PRKCA: variants seen among roughly 807,000 people sequenced by gnomAD.
PRKCA encodes protein kinase C alpha type.
PRKCA carries 27 observed loss-of-function variants against 87.0 expected under a neutral mutation model. The ratio of observed to expected loss-of-function variants is 0.31; its 90% confidence interval spans 0.23 to 0.43. The LOEUF is 0.43. PRKCA is among the 20% of genes least tolerant of loss of function. The pLI, the probability that PRKCA is intolerant of heterozygous loss-of-function variation, is 1.00. For missense variants in PRKCA, 518 were observed against 852.3 expected, an observed-to-expected ratio of 0.61 and a Z score of 4.88; for synonymous variants, 329 against 311.1, an observed-to-expected ratio of 1.06 and a Z score of -0.61.
chr17:66,712,366 CTGTT>C (rs1212488167), intron 8 of PRKCA, among the ~76,000 whole-genome samples: 1 of 152,160 alleles, frequency 6.6e-6, no homozygotes, highest in Non-Finnish European at 1.5e-5. Flanking sequence ...TGCCTGAGTG[CTGTT>C]TGTGTCCTTT....
At chr17:66,752,634 G>A (rs1476918706) in intron 13 of PRKCA, among the ~76,000 whole-genome samples, 2 of 152,138 alleles carry the variant, frequency 1.3e-5, no homozygotes, top group Admixed American at 1.3e-4. Flanking sequence ...TTGGAGCCAG[G>A]GCCTCCATCA....
At chr17:66,653,023 G>C (rs1174543006) in intron 5 of PRKCA, among the ~76,000 whole-genome samples, 1 of 152,208 alleles carries the variant, frequency 6.6e-6, no homozygotes, top group Non-Finnish European at 1.5e-5. Context: ...CCTGGCCCCT[G>C]GCCCCCGTTA....
chr17:66,619,084 T>C (rs1970597159), intron 3 of PRKCA, among the ~76,000 whole-genome samples: 1 of 148,608 alleles, frequency 6.7e-6, no homozygotes, highest in African/African-American at 2.6e-5. Flanking sequence ...CTCATAGTCT[T>C]GGCATTTTTT....
intron 8 of PRKCA, among the ~76,000 whole-genome samples, chr17:66,719,858 G>C (rs2144155474): frequency 6.6e-6 from 1 of 152,320 alleles, no homozygotes; most frequent in Admixed American, 6.5e-5. Flanking sequence ...AAAATGAGCA[G>C]GTATACTTTT....
At chr17:66,566,987 C>A (rs937353666) in intron 3 of PRKCA, among the ~76,000 whole-genome samples, 3 of 151,972 alleles carry the variant, frequency 2.0e-5, no homozygotes, top group Admixed American at 1.3e-4. Context: ...ATAACTAAAC[C>A]CTCAATGGGA....
intron 2 of PRKCA, among the ~76,000 whole-genome samples, chr17:66,351,725 C>CAG (rs1446466936): frequency 2.0e-5 from 3 of 152,086 alleles, no homozygotes; most frequent in Non-Finnish European, 4.4e-5. Context: ...CTACTCAAAC[C>CAG]AGCGTAAACC....
intron 3 of PRKCA, chr17:66,554,443 T>G: frequency 3.3e-6 from 2 of 605,198 alleles, no homozygotes; most frequent in Non-Finnish European, 4.2e-6. Flanking sequence ...CTTGTTCCCA[T>G]TGGGGCCTGT....
At chr17:66,385,587 T>A (rs1910014948) in intron 2 of PRKCA, among the ~76,000 whole-genome samples, 1 of 152,170 alleles carries the variant, frequency 6.6e-6, no homozygotes, top group Non-Finnish European at 1.5e-5. Context: ...TAGATCCTGG[T>A]ATGGTGGCTC....
chr17:66,616,287 C>T (rs564420443), intron 3 of PRKCA, among the ~76,000 whole-genome samples: 187 of 152,272 alleles, frequency 1.2e-3, no homozygotes, highest in African/African-American at 4.3e-3. Context: ...CCCACTCTCG[C>T]CTTATAATAA....
intron 8 of PRKCA, among the ~76,000 whole-genome samples, chr17:66,722,156 C>G (rs1177866025): frequency 1.3e-5 from 2 of 152,168 alleles, no homozygotes; most frequent in African/African-American, 4.8e-5. Flanking sequence ...TTTTTATGGT[C>G]TGTCTGATTT....
At chr17:66,548,418 A>G (rs1019008136) in intron 3 of PRKCA, among the ~76,000 whole-genome samples, 2 of 152,160 alleles carry the variant, frequency 1.3e-5, no homozygotes, top group South Asian at 4.1e-4. Flanking sequence ...ACTGTGAGCA[A>G]AGTTCAACAC....
intron 5 of PRKCA, among the ~76,000 whole-genome samples, chr17:66,683,620 GA>G (rs925945492): frequency 1.3e-5 from 2 of 152,052 alleles, no homozygotes; most frequent in Non-Finnish European, 2.9e-5. Flanking sequence ...GGGTCGGGGG[GA>G]TAGAGTCTCA....
At chr17:66,355,941 C>T (rs185014919) in intron 2 of PRKCA, among the ~76,000 whole-genome samples, 1 of 152,232 alleles carries the variant, frequency 6.6e-6, no homozygotes, top group East Asian at 1.9e-4. Flanking sequence ...TCTTGTCGCC[C>T]GGGCTGGAGT....
At chr17:66,475,743 T>C (rs1274084872) in intron 2 of PRKCA, among the ~76,000 whole-genome samples, 1 of 152,128 alleles carries the variant, frequency 6.6e-6, no homozygotes, top group Non-Finnish European at 1.5e-5. Flanking sequence ...ATACAGCTAA[T>C]TGCACATTGT....
intron 3 of PRKCA, among the ~76,000 whole-genome samples, chr17:66,596,390 G>A (rs1018342347): frequency 4.0e-5 from 6 of 151,894 alleles, no homozygotes; most frequent in African/African-American, 7.3e-5. Flanking sequence ...TGCCTTCACC[G>A]CTGGGCTGTT....
intron 4 of PRKCA, among the ~76,000 whole-genome samples, chr17:66,642,120 TCTTTG>T (rs1164455401): frequency 6.6e-6 from 1 of 151,814 alleles, no homozygotes; most frequent in Non-Finnish European, 1.5e-5. Context: ...CTATGAAGAC[TCTTTG>T]CTTTGATCAT....
At chr17:66,723,400 AG>A (rs1973662824) in intron 8 of PRKCA, among the ~76,000 whole-genome samples, 1 of 152,178 alleles carries the variant, frequency 6.6e-6, no homozygotes, top group Non-Finnish European at 1.5e-5. Flanking sequence ...AGGCTGAGGC[AG>A]GTGGATCACT....
chr17:66,700,846 A>T (rs1027807708), intron 8 of PRKCA, among the ~76,000 whole-genome samples: 2 of 152,202 alleles, frequency 1.3e-5, no homozygotes, highest in African/African-American at 2.4e-5. Flanking sequence ...GGAAGAATTA[A>T]TATTGTCAAA....
chr17:66,659,403 CTG>C (rs1304251605), intron 5 of PRKCA, among the ~76,000 whole-genome samples: 8 of 152,232 alleles, frequency 5.3e-5, no homozygotes, highest in African/African-American at 1.4e-4. Flanking sequence ...TGAGGAGACT[CTG>C]TGGAGCAGAG....
Sources: gnomAD v4.1 joint callset for allele counts (sites outside exome capture counted in the v4.1 genomes callset) on GRCh38, gnomAD v4.1.1 for gene constraint, MANE v1.5 for transcripts, NCBI Gene and HGNC (gene_info 2026-07-23, HGNC 2026-07-21) for gene names.